The following ITGB3 variants were observed in gnomAD, a reference collection of about 807,000 sequenced individuals.
ITGB3 encodes integrin beta-3.
A neutral mutation model predicts 85.8 loss-of-function variants in ITGB3; 48 were observed. The ratio of observed to expected loss-of-function variants is 0.56; its 90% CI spans 0.44 to 0.71. The LOEUF is 0.71. Ranked by LOEUF, ITGB3 falls within the 30% of genes least tolerant of loss-of-function variation. The probability of loss-of-function intolerance (pLI) is 0.00; values close to 1 mark genes in which losing one functional copy is unlikely to be tolerated. For synonymous variants in ITGB3, 363 were observed against 395.6 expected, an observed-to-expected ratio of 0.92 and a Z score of 0.98; for missense variants, 861 against 1,019.1, an observed-to-expected ratio of 0.84 and a Z score of 2.11.
intron 1 of ITGB3, among the ~76,000 whole-genome samples, chr17:47,274,198 T>G (rs567302414): frequency 6.6e-6 from 1 of 152,378 alleles, no homozygotes; most frequent in South Asian, 2.1e-4. Flanking sequence ...CACTGTGGCC[T>G]CATCAGTTGA....
chr17:47,266,353 A>G (rs1238471695), intron 1 of ITGB3, among the ~76,000 whole-genome samples: 1 of 152,218 alleles, frequency 6.6e-6, no homozygotes, highest in Non-Finnish European at 1.5e-5. Flanking sequence ...CCTACAGTCC[A>G]GCATCCTGTC....
rs972711023 is a variant in ITGB3 at position 47,283,492 on chromosome 17, G to T, written c.304G>T (p.Asp102Tyr). The T allele has an allele frequency of 6.2e-7, 1 of 1,614,108 alleles. No homozygotes were observed. The highest frequency in any genetic ancestry group is 1.3e-5 in the African/African-American group (1 of 74,936). Residue 102 changes from aspartate (D) to tyrosine (Y), a missense_variant, in exon 3 of 15, where the codon GAC (aspartate) becomes TAC (tyrosine). By Grantham distance (160) the Asp-to-Tyr change is radical. Transcript: ENST00000559488. ...GCCCCTCAGCGACAAGGGCTCTGGA[G>T]ACAGCTCCCAGGTCACTCAAGTCAG... ...DRPLSDKGSG[D>Y]SSQVTQVSPQ...
At chr17:47,300,342 C>CACGTGTGTGT in intron 11 of ITGB3, 136 bp from the exon 12 acceptor site, 1 of 696,470 alleles carries the variant, frequency 1.4e-6, no homozygotes, top group South Asian at 1.5e-5. Flanking sequence ...CAGGCGCGCG[C>CACGTGTGTGT]GCGCGTGTGT....
intron 1 of ITGB3, among the ~76,000 whole-genome samples, chr17:47,268,756 C>A (rs1221679626): frequency 2.0e-5 from 3 of 152,186 alleles, no homozygotes; most frequent in Admixed American, 1.3e-4. Context: ...AATGGATCTA[C>A]CATTCTGGGG....
chr17:47,299,570 T>C lies in ITGB3; in HGVS notation c.1913+40T>C. On this transcript the variant is annotated intron_variant, in intron 11 of 14. Coordinates refer to ENST00000559488, the MANE Select transcript of ITGB3 (RefSeq NM_000212.3). The surrounding 1 kb of genome is among the most constrained non-coding windows in gnomAD (Gnocchi z 5.1). ...TGGAGAGAGCCGGGAGGCTGGGAGG[T>C]AGGAGAGGATCCCCTGACTAGAATC... The C allele has an allele frequency of 6.4e-7, 1 of 1,569,634 alleles. No individual in the cohort carries two copies. The highest frequency in any genetic ancestry group is 2.3e-5 in the East Asian group (1 of 44,322).
intron 12 of ITGB3, 93 bp downstream of exon 12, chr17:47,300,671 G>C: frequency 1.1e-6 from 1 of 894,296 alleles, no homozygotes; most frequent in Non-Finnish European, 1.8e-6. Flanking sequence ...CTGTAAAATG[G>C]AAGCGTGACT....
At chr17:47,264,915 T>G (rs1275009597) in intron 1 of ITGB3, among the ~76,000 whole-genome samples, 2 of 152,224 alleles carry the variant, frequency 1.3e-5, no homozygotes, top group African/African-American at 2.4e-5. Flanking sequence ...CTGTTTGAAA[T>G]TGTGCATTTT....
chr17:47,276,229 C>A (rs1212293783), intron 2 of ITGB3, among the ~76,000 whole-genome samples: 1 of 152,104 alleles, frequency 6.6e-6, no homozygotes, highest in Non-Finnish European at 1.5e-5. Context: ...AAAAGAAAAC[C>A]TTCTTGGAGG....
intron 8 of ITGB3, among the ~76,000 whole-genome samples, chr17:47,290,674 C>T (rs1446833735): frequency 6.6e-6 from 1 of 152,116 alleles, no homozygotes; most frequent in Admixed American, 6.5e-5. Context: ...TGGCACTCCC[C>T]TTTTGCAACA....
Position 47,299,169 on chromosome 17 carries a change from G to T in ITGB3, c.1691-139G>T. Reference sequence around the variant, plus strand: ...TGTCCCTGCTGGGTAGGACTCCCCTGGGTGGTGAGCCAATTCCCTGCCAAC... The same window carrying T: ...TGTCCCTGCTGGGTAGGACTCCCCTTGGTGGTGAGCCAATTCCCTGCCAAC... On this transcript the variant is annotated intron_variant, in intron 10 of 14. Coordinates refer to ENST00000559488, the MANE Select transcript of ITGB3 (RefSeq NM_000212.3). This position sits in a 1 kb window ranked among gnomAD's most constrained non-coding sequence, Gnocchi z 5.1. 1.2e-6 allele frequency: 1 copy of T among 816,346 alleles called. No individual in the cohort carries two copies. Among genetic ancestry groups the T allele is most frequent in the Non-Finnish European group, 2.0e-6 (1 of 492,088 alleles). 50.6% of individuals were successfully genotyped at this position (816,346 alleles called of 1,614,324 possible).
chr17:47,265,546 GTGT>G (rs1477557267), intron 1 of ITGB3, among the ~76,000 whole-genome samples: 1 of 152,072 alleles, frequency 6.6e-6, no homozygotes, highest in African/African-American at 2.4e-5. Flanking sequence ...TCTTCGTGTG[GTGT>G]TTTCCTCTTC....
At chr17:47,301,800 C>T (rs1022368130) in intron 12 of ITGB3, among the ~76,000 whole-genome samples, 5 of 152,184 alleles carry the variant, frequency 3.3e-5, no homozygotes, top group Non-Finnish European at 7.4e-5. Flanking sequence ...CTATTCTCAT[C>T]TTCATTTTGA....
At chr17:47,276,937 C>G (rs2065066031) in intron 2 of ITGB3, among the ~76,000 whole-genome samples, 1 of 152,152 alleles carries the variant, frequency 6.6e-6, no homozygotes, top group Non-Finnish European at 1.5e-5. Flanking sequence ...GTTGGCTGTT[C>G]CAGGCAAGCT....
At chr17:47,284,819 C>A in intron 4 of ITGB3, 124 bp downstream of exon 4, 1 of 1,310,188 alleles carries the variant, frequency 7.6e-7, no homozygotes, top group Non-Finnish European at 1.1e-6. Context: ...TAGCTCCTTT[C>A]TACCTTGGTC....
At chr17:47,276,441 A>G (rs994360350) in intron 2 of ITGB3, among the ~76,000 whole-genome samples, 7 of 152,214 alleles carry the variant, frequency 4.6e-5, no homozygotes, top group African/African-American at 1.7e-4. Flanking sequence ...GCAGAGGGAA[A>G]GGTGCAGGGT....
At chr17:47,258,288 G>A (rs2064997219) in intron 1 of ITGB3, among the ~76,000 whole-genome samples, 1 of 152,158 alleles carries the variant, frequency 6.6e-6, no homozygotes. Context: ...GGAAATGAAG[G>A]TGGGAGCAGG....
intron 2 of ITGB3, among the ~76,000 whole-genome samples, chr17:47,275,255 A>G (rs2065059250): frequency 6.6e-6 from 1 of 151,818 alleles, no homozygotes; most frequent in East Asian, 1.9e-4. Flanking sequence ...CCACTTGGTG[A>G]GGATGGAAGG....
rs371521279 is a variant in ITGB3, at chr17:47,269,426, A to T, written c.80-4993A>T. 8.3e-4 allele frequency among the ~76,000 whole-genome samples: 127 copies of T among 152,258 alleles called. 1 individual carries two copies. Among genetic ancestry groups the T allele is most frequent in the African/African-American group, 3.0e-3 (125 of 41,556 alleles). On this transcript the variant is annotated intron_variant, in intron 1 of 14. Coordinates refer to ENST00000559488, the MANE Select transcript of ITGB3 (RefSeq NM_000212.3). ...GCTGCCTAGAAATTTCATCTGACAG[A>T]TCCCCTAAATCATCTCTCTCACATT...
rs146118223 is a variant in ITGB3, at chr17:47,313,431, T to G, written c.*3227T>G. On this transcript the variant is annotated 3_prime_UTR_variant, in exon 15 of 15. Coordinates refer to ENST00000559488, the MANE Select transcript of ITGB3 (RefSeq NM_000212.3). ...GCACGATCTCTGCTCACTGCAAGCT[T>G]CGCCTCCCGGGTTCACGCCATTCTC... is the stretch of plus-strand genomic sequence containing the variant. 6.9e-3 allele frequency among the ~76,000 whole-genome samples: 990 copies of G among 142,932 alleles called. 3 individuals carry two copies. The highest frequency in any genetic ancestry group is 0.012 in the Admixed American group (175 of 14,378). 93.8% of individuals were successfully genotyped at this position (142,932 alleles called of 152,430 possible).
Sources: allele counts gnomAD v4.1 joint callset (sites outside exome capture counted in the v4.1 genomes callset), GRCh38; gene constraint gnomAD v4.1.1; non-coding constraint Gnocchi (gnomAD v3.1); transcripts MANE v1.5; gene names NCBI Gene and HGNC (gene_info 2026-07-23, HGNC 2026-07-21).